Variants in EDIL3 observed in about 807,000 individuals in gnomAD.
EDIL3 encodes EGF like and discoidin domains 3.
A neutral mutation model predicts 67.4 loss-of-function variants in EDIL3; 37 were observed. The ratio of observed to expected loss-of-function variants is 0.55; its 90% CI spans 0.42 to 0.72. The LOEUF is 0.72. EDIL3 is among the 30% of genes least tolerant of loss of function. EDIL3 has a pLI of 0.00. For missense variants in EDIL3, 527 were observed against 586.3 expected, an observed-to-expected ratio of 0.90 and a Z score of 1.04; for synonymous variants, 195 against 196.3, an observed-to-expected ratio of 0.99 and a Z score of 0.05.
At chr5:84,003,868 C>A (rs62364184) in intron 9 of EDIL3, among the ~76,000 whole-genome samples, 2,867 of 151,966 alleles carry the variant, frequency 0.019, 26 homozygotes, top group Non-Finnish European at 0.028. Context: ...ATGTCAAAGG[C>A]ACAGAATGGC....
At chr5:84,179,066 G>C (rs766732169) in intron 4 of EDIL3, among the ~76,000 whole-genome samples, 5 of 152,134 alleles carry the variant, frequency 3.3e-5, no homozygotes, top group Non-Finnish European at 7.3e-5. Context: ...GAAGCTATGA[G>C]AGAAAAGACT....
intron 4 of EDIL3, among the ~76,000 whole-genome samples, chr5:84,146,577 C>T (rs1748293118): frequency 6.6e-6 from 1 of 152,122 alleles, no homozygotes; most frequent in East Asian, 1.9e-4. Context: ...TTGGAATACA[C>T]TTTTCCCCAA....
rs529981745 is a variant in EDIL3 at position 84,337,690 on chromosome 5, T to G, written c.67+46618A>C. Among the ~76,000 whole-genome samples the G allele has an allele frequency of 7.2e-5, 11 of 152,274 alleles. No homozygotes were observed. In the East Asian group the frequency reaches 2.1e-3, roughly 29 times the overall value. On this transcript the variant is annotated intron_variant, in intron 1 of 10. Coordinates refer to ENST00000296591, the MANE Select transcript of EDIL3 (RefSeq NM_005711.5). ...ATAAATTTATGACTAAATGACTATA[T>G]TAGGCTGACCTTCAATATTTCCTGT...
At chr5:83,959,973 A>G (rs770029269) in intron 10 of EDIL3, among the ~76,000 whole-genome samples, 30 of 150,978 alleles carry the variant, frequency 2.0e-4, no homozygotes, top group Non-Finnish European at 4.0e-4. Flanking sequence ...TTTCTATGTA[A>G]AAATGGAGAG....
chr5:84,099,546 C>T (rs1580326442), intron 6 of EDIL3, among the ~76,000 whole-genome samples: 1 of 151,978 alleles, frequency 6.6e-6, no homozygotes, highest in South Asian at 2.1e-4. Flanking sequence ...TGAAACTGGA[C>T]CCCTTCCTTA....
chr5:84,041,619 T>C (rs1287993452), intron 9 of EDIL3, among the ~76,000 whole-genome samples: 1 of 148,034 alleles, frequency 6.8e-6, no homozygotes, highest in East Asian at 1.9e-4. Flanking sequence ...CACATATATA[T>C]GCACACACAC....
At chr5:84,239,042 C>A (rs1378853369) in intron 2 of EDIL3, among the ~76,000 whole-genome samples, 1 of 152,128 alleles carries the variant, frequency 6.6e-6, no homozygotes, top group Non-Finnish European at 1.5e-5. Context: ...AGGCAGGGAA[C>A]TCAAAATCTC....
At chr5:84,024,132 A>G (rs1745771205) in intron 9 of EDIL3, among the ~76,000 whole-genome samples, 1 of 152,140 alleles carries the variant, frequency 6.6e-6, no homozygotes, top group Admixed American at 6.6e-5. Context: ...TTGTAAGTAT[A>G]CTTCATTCTT....
intron 9 of EDIL3, among the ~76,000 whole-genome samples, chr5:84,051,163 A>G (rs1746329566): frequency 6.6e-6 from 1 of 152,104 alleles, no homozygotes; most frequent in African/African-American, 2.4e-5. Flanking sequence ...ACCAATATCC[A>G]CTGTTCTGCA....
At chr5:84,350,730 G>A (rs918066044) in intron 1 of EDIL3, among the ~76,000 whole-genome samples, 7 of 151,846 alleles carry the variant, frequency 4.6e-5, no homozygotes, top group African/African-American at 1.7e-4. Flanking sequence ...TATTCACCCT[G>A]TTCACTCATA....
At chr5:84,069,003 T>C (rs1469727333) in intron 6 of EDIL3, among the ~76,000 whole-genome samples, 1 of 152,204 alleles carries the variant, frequency 6.6e-6, no homozygotes, top group East Asian at 1.9e-4. Flanking sequence ...GATATCTCTG[T>C]AAAATAACAA....
chr5:84,133,639 T>A (rs951851918), intron 5 of EDIL3, among the ~76,000 whole-genome samples: 1 of 151,264 alleles, frequency 6.6e-6, no homozygotes. Context: ...AATAAAGAAA[T>A]AAATAAATAA....
chr5:84,014,499 G>A (rs1057100028), intron 9 of EDIL3, among the ~76,000 whole-genome samples: 13 of 152,090 alleles, frequency 8.5e-5, no homozygotes, highest in African/African-American at 2.7e-4. Context: ...ACAAAAATTA[G>A]CCAGGCATGA....
chr5:84,190,579 GTATATATATATA>G (rs138685119), intron 3 of EDIL3, among the ~76,000 whole-genome samples: 1,246 of 122,026 alleles, frequency 0.01, 10 homozygotes, highest in Middle Eastern at 0.032. Context: ...GTGTGTGTGT[GTATATATATATA>G]TATATATATA....
intron 4 of EDIL3, among the ~76,000 whole-genome samples, chr5:84,154,693 C>CTTTTTTTTTT (rs397881707): frequency 2.2e-5 from 2 of 92,294 alleles, no homozygotes; most frequent in African/African-American, 4.2e-5. Flanking sequence ...TCTGCTTCTG[C>CTTTTTTTTTT]TTTTTTTTTT....
intron 1 of EDIL3, among the ~76,000 whole-genome samples, chr5:84,351,859 G>C (rs1747367983): frequency 6.6e-6 from 1 of 151,794 alleles, no homozygotes; most frequent in African/African-American, 2.4e-5. Flanking sequence ...ACAACCTACA[G>C]AATGGGAGAA....
chr5:84,034,690 C>T (rs1443022356), intron 9 of EDIL3, among the ~76,000 whole-genome samples: 2 of 152,158 alleles, frequency 1.3e-5, no homozygotes, highest in Non-Finnish European at 2.9e-5. Flanking sequence ...CTACAATAAT[C>T]CCTTGAGGTA....
At chr5:84,347,808 G>A (rs1018665272) in intron 1 of EDIL3, among the ~76,000 whole-genome samples, 1 of 152,188 alleles carries the variant, frequency 6.6e-6, no homozygotes, top group African/African-American at 2.4e-5. Flanking sequence ...AAAGGAGTCA[G>A]CATCCATTTA....
intron 1 of EDIL3, among the ~76,000 whole-genome samples, chr5:84,315,908 T>G (rs1456489443): frequency 3.3e-5 from 5 of 152,042 alleles, no homozygotes; most frequent in Non-Finnish European, 7.4e-5. Flanking sequence ...TAACAGCAGA[T>G]CTCTCAACAG....
Sources: gnomAD v4.1 joint callset for allele counts (sites outside exome capture counted in the v4.1 genomes callset) on GRCh38, gnomAD v4.1.1 for gene constraint, MANE v1.5 for transcripts, NCBI Gene and HGNC (gene_info 2026-07-23, HGNC 2026-07-21) for gene names.